Variants in GULP1 observed in about 807,000 individuals in gnomAD.
GULP1 encodes the protein GULP PTB domain containing engulfment adaptor 1, also known as PTB domain-containing engulfment adapter protein 1.
A neutral mutation model predicts 40.9 loss-of-function variants in GULP1; 19 were observed. The ratio of observed to expected loss-of-function variants is 0.46; its 90% CI spans 0.32 to 0.68. GULP1 has a LOEUF of 0.68. Among genes scored for constraint, GULP1 ranks in the 30% least tolerant of loss-of-function variants. The pLI, the probability that GULP1 is intolerant of heterozygous loss-of-function variation, is 0.03. For missense variants in GULP1, 312 were observed against 362.2 expected, an observed-to-expected ratio of 0.86 and a Z score of 1.12; for synonymous variants, 119 against 117.6, an observed-to-expected ratio of 1.01 and a Z score of -0.08.
intron 2 of GULP1, among the ~76,000 whole-genome samples, chr2:188,443,874 G>A (rs34778517): frequency 0.44 from 66,972 of 151,672 alleles, 15,182 homozygotes; most frequent in East Asian, 0.55. Context: ...TATAATTTAG[G>A]GTGGAATTTA....
intron 4 of GULP1, among the ~76,000 whole-genome samples, chr2:188,500,255 G>C (rs1031168292): frequency 6.6e-6 from 1 of 151,878 alleles, no homozygotes; most frequent in Non-Finnish European, 1.5e-5. Flanking sequence ...CACAATGTAC[G>C]TGAGAAACAC....
At chr2:188,459,828 A>G (rs1232510530) in intron 2 of GULP1, among the ~76,000 whole-genome samples, 2 of 152,182 alleles carry the variant, frequency 1.3e-5, no homozygotes, top group African/African-American at 4.8e-5. Context: ...GTATATGGCA[A>G]GAGATGGGGT....
At chr2:188,541,083 T>C in intron 6 of GULP1, 98 bp from the exon 7 acceptor site, 1 of 993,452 alleles carries the variant, frequency 1.0e-6, no homozygotes, top group Non-Finnish European at 1.5e-6. Flanking sequence ...CAGATGATTG[T>C]TCTACTTTTA....
At position 188,563,909 on chromosome 2, in the gene GULP1, T is replaced by C. The variant is rs150128203; in HGVS notation, c.400-5330T>C. 4.5e-3 allele frequency among the ~76,000 whole-genome samples: 683 copies of C among 152,056 alleles called. 5 individuals are homozygous for C. The highest frequency in any genetic ancestry group is 0.015 in the African/African-American group (639 of 41,538). On this transcript the variant is annotated intron_variant, in intron 7 of 11. Coordinates refer to ENST00000409830, the MANE Select transcript of GULP1 (RefSeq NM_016315.4). ...TAATTCCAAATCGAGTCCAGCAATA[T>C]ATAAAATAGATAGTACATTATTACC...
At chr2:188,433,715 G>A (rs1321198475) in intron 2 of GULP1, among the ~76,000 whole-genome samples, 3 of 152,088 alleles carry the variant, frequency 2.0e-5, no homozygotes, top group Admixed American at 2.0e-4. Context: ...TAATGCTGAT[G>A]AAAGAAACCA....
chr2:188,582,197 A>G (rs191905718), intron 9 of GULP1: 10 of 357,204 alleles, frequency 2.8e-5, no homozygotes, highest in Admixed American at 1.8e-4. Flanking sequence ...CTCTAACTCT[A>G]TGTTTTAATT....
intron 1 of GULP1, among the ~76,000 whole-genome samples, chr2:188,301,485 A>G (rs1369304047): frequency 6.6e-6 from 1 of 152,216 alleles, no homozygotes; most frequent in Non-Finnish European, 1.5e-5. Context: ...AATTATTGAT[A>G]GTCCACTAAA....
At chr2:188,443,514 C>G (rs1559247164) in intron 2 of GULP1, among the ~76,000 whole-genome samples, 1 of 152,064 alleles carries the variant, frequency 6.6e-6, no homozygotes. Context: ...ACCCTCGAGC[C>G]TAAGCAGTCA....
intron 1 of GULP1, among the ~76,000 whole-genome samples, chr2:188,307,890 G>A (rs2037379346): frequency 6.6e-6 from 1 of 152,188 alleles, no homozygotes; most frequent in Admixed American, 6.5e-5. Context: ...ATAGGAAATG[G>A]TGTGGATTGA....
At chr2:188,439,415 T>C (rs1258273751) in intron 2 of GULP1, among the ~76,000 whole-genome samples, 1 of 152,176 alleles carries the variant, frequency 6.6e-6, no homozygotes, top group East Asian at 1.9e-4. Context: ...CGTATATATG[T>C]ATAAGAATGT....
intron 1 of GULP1, among the ~76,000 whole-genome samples, chr2:188,308,045 C>T (rs929587943): frequency 9.9e-4 from 21 of 21,146 alleles, no homozygotes; most frequent in Admixed American, 2.9e-3. Context: ...AGTCCTGCCC[C>T]TGGGCTTTAT....
intron 2 of GULP1, among the ~76,000 whole-genome samples, chr2:188,411,456 T>C (rs2053869417): frequency 6.6e-6 from 1 of 152,158 alleles, no homozygotes; most frequent in African/African-American, 2.4e-5. Flanking sequence ...CCTGCCATCA[T>C]GGCCACTTTG....
intron 9 of GULP1, among the ~76,000 whole-genome samples, chr2:188,573,747 T>A (rs1699606312): frequency 6.6e-6 from 1 of 152,212 alleles, no homozygotes; most frequent in Admixed American, 6.5e-5. Flanking sequence ...GATCTACACA[T>A]TCATTAAAGA....
chr2:188,320,315 T>G (rs761556927), intron 1 of GULP1, among the ~76,000 whole-genome samples: 20 of 152,154 alleles, frequency 1.3e-4, no homozygotes, highest in African/African-American at 4.8e-5. Context: ...TAATTAAAAT[T>G]ATCATAAATA....
intron 1 of GULP1, among the ~76,000 whole-genome samples, chr2:188,333,798 C>T (rs2041928766): frequency 6.6e-6 from 1 of 152,098 alleles, no homozygotes; most frequent in South Asian, 2.1e-4. Context: ...AGTTTGAAAC[C>T]ATATGATTCT....
chr2:188,380,901 T>C (rs773204763), intron 1 of GULP1, among the ~76,000 whole-genome samples: 2 of 152,176 alleles, frequency 1.3e-5, no homozygotes, highest in Non-Finnish European at 2.9e-5. Context: ...ATAATGTTTT[T>C]CTTAAATGGT....
chr2:188,570,166 AAC>A, intron 9 of GULP1, 46 bp downstream of exon 9: 1 of 794,132 alleles, frequency 1.3e-6, no homozygotes, highest in Non-Finnish European at 2.1e-6. Flanking sequence ...ATGGTGATAA[AAC>A]ATCTGTGTAT....
intron 1 of GULP1, among the ~76,000 whole-genome samples, chr2:188,317,745 A>G (rs1231558637): frequency 6.6e-6 from 1 of 151,954 alleles, no homozygotes; most frequent in Admixed American, 6.6e-5. Context: ...TATATAACTT[A>G]AAATATTATA....
intron 9 of GULP1, among the ~76,000 whole-genome samples, chr2:188,578,228 T>C (rs370983856): frequency 2.6e-5 from 4 of 152,168 alleles, no homozygotes; most frequent in East Asian, 3.9e-4. Flanking sequence ...AGTGTTTCTG[T>C]TATTATTGTT....
Sources: gnomAD v4.1 joint callset for allele counts (sites outside exome capture counted in the v4.1 genomes callset) on GRCh38, gnomAD v4.1.1 for gene constraint, MANE v1.5 for transcripts, NCBI Gene and HGNC (gene_info 2026-07-23, HGNC 2026-07-21) for gene names.